Variants in PSD3 observed in about 807,000 individuals in gnomAD.
PSD3 encodes PH and SEC7 domain-containing protein 3.
In PSD3, 49 loss-of-function variants were observed where a neutral mutation model predicts 105.5. The ratio of observed to expected loss-of-function variants is 0.46; its 90% CI spans 0.37 to 0.59. The LOEUF is 0.59. PSD3 is among the 20% of genes least tolerant of loss of function. The probability of loss-of-function intolerance (pLI) is 0.00; values close to 1 mark genes in which losing one functional copy is unlikely to be tolerated. For synonymous variants in PSD3, 557 were observed against 457.8 expected (o/e 1.22, Z -2.77); for missense variants, 1,561 against 1,263.8 (o/e 1.24, Z -3.57).
chr8:18,784,860 A>G (rs1808978721), intron 8 of PSD3, among the ~76,000 whole-genome samples: 1 of 152,126 alleles, frequency 6.6e-6, no homozygotes, highest in Admixed American at 6.6e-5. Flanking sequence ...CAGAGGCTTT[A>G]TAACACAGAC....
chr8:18,843,987 T>C (rs1814866397), intron 4 of PSD3, among the ~76,000 whole-genome samples: 1 of 151,216 alleles, frequency 6.6e-6, no homozygotes, highest in South Asian at 2.1e-4. Context: ...AAGACAAATA[T>C]CCTGATTTAA....
chr8:18,803,164 G>A (rs7812892), intron 6 of PSD3: 53,106 of 245,716 alleles, frequency 0.22, 6,297 homozygotes, highest in East Asian at 0.32. Context: ...GTGCGTACCT[G>A]TAGTCCCAGT....
At chr8:18,718,996 T>G (rs1585719277) in intron 9 of PSD3, among the ~76,000 whole-genome samples, 1 of 152,068 alleles carries the variant, frequency 6.6e-6, no homozygotes, top group East Asian at 1.9e-4. Flanking sequence ...GATGTAGAGA[T>G]CTTGTGGGAA....
chr8:18,824,507 A>T (rs1448065051), intron 4 of PSD3, among the ~76,000 whole-genome samples: 1 of 152,240 alleles, frequency 6.6e-6, no homozygotes. Flanking sequence ...AAACAAAATC[A>T]GTAACTCAAA....
intron 14 of PSD3, among the ~76,000 whole-genome samples, chr8:18,568,703 CTTCTTT>C (rs1801947724): frequency 9.3e-5 from 2 of 21,528 alleles, no homozygotes; most frequent in Admixed American, 1.4e-3. Flanking sequence ...GTACCTTCTT[CTTCTTT>C]TTTTTTTTTA....
rs559457645 is a variant in PSD3, at chr8:19,054,138, G to A, written c.324+30068C>T. On this transcript the variant is annotated intron_variant, in intron 1 of 1. Transcript: ENST00000521475. ...CCTCTAGGGCCTTTCTCCTGCCGCG[G>A]GCTTGTTGCCATCCAGTGCTTTGGA... is the stretch of plus-strand genomic sequence containing the variant. 2.0e-5 allele frequency among the ~76,000 whole-genome samples: 3 copies of A among 152,306 alleles called. No homozygotes were observed. In the South Asian group the frequency reaches 6.2e-4, roughly 32 times the overall value.
intron 12 of PSD3, among the ~76,000 whole-genome samples, chr8:18,578,879 T>C (rs548492232): frequency 8.5e-5 from 13 of 152,178 alleles, no homozygotes; most frequent in African/African-American, 3.1e-4. Context: ...AACTGCCAGA[T>C]TACCTTATAC....
intron 2 of PSD3, among the ~76,000 whole-genome samples, chr8:18,907,507 T>C (rs1819922631): frequency 6.6e-6 from 1 of 152,182 alleles, no homozygotes; most frequent in South Asian, 2.1e-4. Context: ...TTATTGTACC[T>C]TTTAAATGTT....
At chr8:18,545,802 T>A (rs1542706) in intron 15 of PSD3, among the ~76,000 whole-genome samples, 134,883 of 152,162 alleles carry the variant, frequency 0.89, 59,891 homozygotes, top group East Asian at 0.95. Context: ...GTTCTCCATG[T>A]CAGCTTGTGT....
chr8:18,734,402 A>T (rs1803995540), intron 9 of PSD3: 1 of 152,222 alleles, frequency 6.6e-6, no homozygotes, highest in Non-Finnish European at 1.5e-5. Flanking sequence ...ACTCCCAAGT[A>T]AAAGTCCTTT....
chr8:18,566,455 G>T (rs1306619738), intron 14 of PSD3, among the ~76,000 whole-genome samples: 1 of 151,698 alleles, frequency 6.6e-6, no homozygotes, highest in Non-Finnish European at 1.5e-5. Context: ...GAACCCGGGA[G>T]GTGGGGATTG....
chr8:18,534,281 G>A lies in PSD3; in HGVS notation c.*1462C>T, dbSNP rs1403658743. 6 of 152,486 alleles carry A rather than the reference G, an allele frequency of 3.9e-5. No individual in the cohort carries two copies. Among genetic ancestry groups the A allele is most frequent in the African/African-American group, 7.2e-5 (3 of 41,390 alleles). The allele number at this position is 152,486 out of a possible 1,614,324, so 9.4% of individuals were successfully genotyped here. A position where few individuals can be genotyped will look rare whatever the true frequency, so the allele number is the denominator to read the frequency against. On this transcript the variant is annotated 3_prime_UTR_variant, in exon 16 of 16. Transcript: ENST00000327040. The stretch of plus-strand genomic sequence containing the variant: ...TTAGTTCTGAAGTTGTGCCACTTGC[G>A]GAGATTTTAACTTTAGGGATTACAG...
chr8:18,630,481 C>A (rs1187244266), intron 11 of PSD3, among the ~76,000 whole-genome samples: 1 of 151,838 alleles, frequency 6.6e-6, no homozygotes, highest in Non-Finnish European at 1.5e-5. Context: ...TCAGTAGAAT[C>A]TGGGACTTTG....
At chr8:18,799,427 G>A (rs1810490222) in intron 7 of PSD3, 74 bp from the exon 8 acceptor site, 4 of 1,171,076 alleles carry the variant, frequency 3.4e-6, no homozygotes, top group Non-Finnish European at 5.1e-6. Flanking sequence ...ATCACTAATA[G>A]GATACACTCA....
chr8:18,591,706 G>A (rs749785589), intron 12 of PSD3, among the ~76,000 whole-genome samples: 4 of 152,112 alleles, frequency 2.6e-5, no homozygotes, highest in African/African-American at 7.2e-5. Context: ...TATGCATCCA[G>A]CATTCTGGCT....
chr8:18,699,545 G>T (rs985261907), intron 9 of PSD3, among the ~76,000 whole-genome samples: 1 of 152,150 alleles, frequency 6.6e-6, no homozygotes, highest in Non-Finnish European at 1.5e-5. Flanking sequence ...TATATTGAAT[G>T]AGTTTGACTA....
At chr8:18,946,179 T>A (rs1019256860) in intron 1 of PSD3, among the ~76,000 whole-genome samples, 2 of 152,170 alleles carry the variant, frequency 1.3e-5, no homozygotes, top group Admixed American at 1.3e-4. Context: ...TAATTAAAAA[T>A]TTTTTATTGC....
chr8:18,609,699 C>T (rs1225170889), intron 11 of PSD3, among the ~76,000 whole-genome samples: 1 of 152,212 alleles, frequency 6.6e-6, no homozygotes, highest in Non-Finnish European at 1.5e-5. Flanking sequence ...GAGGAGTCTG[C>T]TTTCTGCAAT....
At chr8:18,965,019 C>T (rs1036751576) in intron 1 of PSD3, among the ~76,000 whole-genome samples, 2 of 152,110 alleles carry the variant, frequency 1.3e-5, no homozygotes, top group African/African-American at 4.8e-5. Flanking sequence ...TAAAAAGGTT[C>T]ATTCATGTTA....
Sources: allele counts gnomAD v4.1 joint callset (sites outside exome capture counted in the v4.1 genomes callset), GRCh38; gene constraint gnomAD v4.1.1; transcripts MANE v1.5; gene names NCBI Gene and HGNC (gene_info 2026-07-23, HGNC 2026-07-21).